Variants in NEK11 observed in about 807,000 individuals in gnomAD.
The protein encoded by NEK11 is NIMA related kinase 11.
NEK11 carries 72 observed loss-of-function variants against 80.7 expected under a neutral mutation model. The ratio of observed to expected loss-of-function variants is 0.89; its 90% confidence interval spans 0.74 to 1.08. The LOEUF (loss-of-function observed/expected upper bound fraction) is 1.08. NEK11 is among the 50% of genes least tolerant of loss of function. The pLI is 0.00. For synonymous variants in NEK11, 251 were observed against 260.7 expected (o/e 0.96, Z 0.36); for missense variants, 764 against 763.6 (o/e 1.00, Z -0.01).
At chr3:131,338,278 T>TG (rs1465707726) in intron 17 of NEK11, among the ~76,000 whole-genome samples, 8 of 149,210 alleles carry the variant, frequency 5.4e-5, no homozygotes, top group Non-Finnish European at 1.2e-4. Flanking sequence ...TTTTTTTTTT[T>TG]TTTTTTTTTT....
At chr3:131,039,780 T>G (rs1360237225) in intron 3 of NEK11, among the ~76,000 whole-genome samples, 1 of 152,218 alleles carries the variant, frequency 6.6e-6, no homozygotes, top group Non-Finnish European at 1.5e-5. Context: ...CTGGATCAAT[T>G]TATTACTCTT....
intron 4 of NEK11, among the ~76,000 whole-genome samples, chr3:131,092,548 G>T (rs1490945729): frequency 6.6e-6 from 1 of 152,118 alleles, no homozygotes; most frequent in Admixed American, 6.5e-5. Context: ...TTATGAAAGG[G>T]CAGCATGAGA....
chr3:131,129,935 A>C (rs2084124148), intron 5 of NEK11, among the ~76,000 whole-genome samples: 1 of 152,124 alleles, frequency 6.6e-6, no homozygotes, highest in Admixed American at 6.5e-5. Flanking sequence ...CTTTCCATAC[A>C]AATTTTAGAA....
intron 3 of NEK11, among the ~76,000 whole-genome samples, chr3:131,036,350 A>C (rs908235300): frequency 1.3e-5 from 2 of 152,244 alleles, no homozygotes; most frequent in Non-Finnish European, 2.9e-5. Context: ...GTGGAATCAC[A>C]ATATTTAGAA....
At chr3:131,312,743 G>A (rs2096794378) in intron 17 of NEK11, among the ~76,000 whole-genome samples, 1 of 152,106 alleles carries the variant, frequency 6.6e-6, no homozygotes, top group Non-Finnish European at 1.5e-5. Flanking sequence ...GAACCCCTAA[G>A]ATGCTCATGA....
At chr3:131,287,138 T>C (rs1024708908) in intron 17 of NEK11, among the ~76,000 whole-genome samples, 1 of 152,222 alleles carries the variant, frequency 6.6e-6, no homozygotes, top group African/African-American at 2.4e-5. Context: ...GGAGCAGGCA[T>C]GCTCTTTGGT....
intron 14 of NEK11, among the ~76,000 whole-genome samples, chr3:131,210,277 G>A (rs1457712808): frequency 6.6e-6 from 1 of 152,194 alleles, no homozygotes; most frequent in Non-Finnish European, 1.5e-5. Flanking sequence ...ATGTAGTTGT[G>A]TGGTTTTGAG....
intron 4 of NEK11, among the ~76,000 whole-genome samples, chr3:131,108,371 C>T (rs1560438662): frequency 6.6e-6 from 1 of 152,084 alleles, no homozygotes; most frequent in Non-Finnish European, 1.5e-5. Flanking sequence ...CACTTTTGCT[C>T]CCCATGAATA....
At chr3:131,197,860 T>TTGAC (rs1242277293) in intron 14 of NEK11, among the ~76,000 whole-genome samples, 1 of 152,170 alleles carries the variant, frequency 6.6e-6, no homozygotes, top group Non-Finnish European at 1.5e-5. Flanking sequence ...TGCAGCTCTT[T>TTGAC]TGACTTCAAT....
At chr3:131,161,654 G>A (rs1451176200) in intron 10 of NEK11, among the ~76,000 whole-genome samples, 1 of 152,122 alleles carries the variant, frequency 6.6e-6, no homozygotes, top group Non-Finnish European at 1.5e-5. Flanking sequence ...ACACATAGAG[G>A]GGAACAACAG....
intron 14 of NEK11, among the ~76,000 whole-genome samples, chr3:131,218,142 T>C (rs2094904181): frequency 6.6e-6 from 1 of 152,240 alleles, no homozygotes; most frequent in Non-Finnish European, 1.5e-5. Context: ...ATATTTTGTT[T>C]TGTAACCATG....
intron 17 of NEK11, among the ~76,000 whole-genome samples, chr3:131,306,137 T>C (rs78559718): frequency 0.011 from 1,634 of 152,332 alleles, 25 homozygotes; most frequent in East Asian, 0.084. Context: ...GTACATGCTA[T>C]CTACTTTATC....
At chr3:131,326,631 A>C (rs567440635) in intron 17 of NEK11, among the ~76,000 whole-genome samples, 51 of 152,050 alleles carry the variant, frequency 3.4e-4, no homozygotes, top group African/African-American at 1.2e-3. Context: ...ACCACCACCT[A>C]TACTATCCCT....
intron 17 of NEK11, among the ~76,000 whole-genome samples, chr3:131,310,220 AC>A (rs2096767885): frequency 6.6e-6 from 1 of 151,916 alleles, no homozygotes; most frequent in Admixed American, 6.6e-5. Context: ...TCTCTATTGT[AC>A]CCTTGAGTCT....
intron 17 of NEK11, among the ~76,000 whole-genome samples, chr3:131,345,114 T>A (rs2097342457): frequency 6.6e-6 from 1 of 152,236 alleles, no homozygotes; most frequent in Admixed American, 6.5e-5. Flanking sequence ...AATGACCAAC[T>A]CTTGGTTTGA....
chr3:131,343,620 GAA>G (rs1347800685), intron 17 of NEK11, among the ~76,000 whole-genome samples: 1 of 152,160 alleles, frequency 6.6e-6, no homozygotes, highest in Non-Finnish European at 1.5e-5. Flanking sequence ...TACATTCTCT[GAA>G]ACCTAGGAAG....
At chr3:131,185,873 G>A (rs1053500018) in intron 14 of NEK11, among the ~76,000 whole-genome samples, 1 of 152,122 alleles carries the variant, frequency 6.6e-6, no homozygotes, top group Non-Finnish European at 1.5e-5. Flanking sequence ...GAGATTTGGG[G>A]CCAGACTTTG....
chr3:131,052,659 C>A (rs1006678762), intron 3 of NEK11, among the ~76,000 whole-genome samples: 2 of 152,090 alleles, frequency 1.3e-5, no homozygotes, highest in African/African-American at 4.8e-5. Flanking sequence ...AACCTGGTGG[C>A]AAATTATTTA....
At chr3:131,189,253 A>G (rs2093704496) in intron 14 of NEK11, among the ~76,000 whole-genome samples, 1 of 152,140 alleles carries the variant, frequency 6.6e-6, no homozygotes, top group African/African-American at 2.4e-5. Context: ...TAAGTCACCA[A>G]ATTTGTGGGA....
Sources: allele counts gnomAD v4.1 joint callset (sites outside exome capture counted in the v4.1 genomes callset), GRCh38; gene constraint gnomAD v4.1.1; transcripts MANE v1.5; gene names NCBI Gene and HGNC (gene_info 2026-07-23, HGNC 2026-07-21).